The following KHDRBS3 variants were observed in gnomAD, a reference collection of about 807,000 sequenced individuals.
KHDRBS3 encodes KH domain-containing, RNA-binding, signal transduction-associated protein 3.
Under a neutral mutation model 45.6 loss-of-function variants are expected in KHDRBS3, and 23 were observed. The observed-to-expected ratio is 0.50, with a 90% CI of 0.36 to 0.72. The LOEUF is 0.72. Among genes scored for constraint, KHDRBS3 ranks in the 30% least tolerant of loss-of-function variants. The probability of loss-of-function intolerance (pLI) is 0.00; values close to 1 mark genes in which losing one functional copy is unlikely to be tolerated. For missense variants in KHDRBS3, 352 were observed against 424.8 expected (o/e 0.83, Z 1.51); for synonymous variants, 162 against 156.5 (o/e 1.04, Z -0.26).
At chr8:135,502,261 C>G (rs1823773525) in intron 1 of KHDRBS3, among the ~76,000 whole-genome samples, 1 of 152,168 alleles carries the variant, frequency 6.6e-6, no homozygotes, top group South Asian at 2.1e-4. Flanking sequence ...CCTTCCCAAT[C>G]TGTCTACCTT....
chr8:135,592,567 G>A (rs890652252), intron 6 of KHDRBS3, among the ~76,000 whole-genome samples: 3 of 152,116 alleles, frequency 2.0e-5, no homozygotes, highest in South Asian at 2.1e-4. Flanking sequence ...CATAGAACAC[G>A]GTCTCTGCCT....
chr8:135,499,736 C>T (rs17601771), intron 1 of KHDRBS3, among the ~76,000 whole-genome samples: 11,816 of 152,176 alleles, frequency 0.078, 593 homozygotes, highest in Non-Finnish European at 0.12. Context: ...CTTTCTCTTT[C>T]TGAGTTTTTA....
At chr8:135,513,132 G>A (rs988281676) in intron 1 of KHDRBS3, among the ~76,000 whole-genome samples, 6 of 151,988 alleles carry the variant, frequency 3.9e-5, no homozygotes, top group South Asian at 2.1e-4. Flanking sequence ...CCCGGGAGGC[G>A]GAGCTTGCAG....
At chr8:135,472,711 A>G (rs148639094) in intron 1 of KHDRBS3, among the ~76,000 whole-genome samples, 2 of 152,306 alleles carry the variant, frequency 1.3e-5, no homozygotes, top group East Asian at 1.9e-4. Context: ...TCTGTTCTAG[A>G]TGGATCGCTT....
At chr8:135,521,104 G>A in intron 1 of KHDRBS3, 133 bp from the exon 2 acceptor site, 1 of 631,468 alleles carries the variant, frequency 1.6e-6, no homozygotes, top group Non-Finnish European at 2.8e-6. Context: ...AAATGTACTT[G>A]AAAACATTTG....
At chr8:135,568,727 A>G (rs868769192) in intron 5 of KHDRBS3, among the ~76,000 whole-genome samples, 26 of 152,334 alleles carry the variant, frequency 1.7e-4, no homozygotes, top group Middle Eastern at 6.8e-3. Context: ...GAAACAATCA[A>G]TGGAAACCTG....
intron 1 of KHDRBS3, among the ~76,000 whole-genome samples, chr8:135,499,827 T>G (rs559742650): frequency 5.3e-5 from 8 of 152,318 alleles, no homozygotes; most frequent in African/African-American, 1.9e-4. Flanking sequence ...TGAAAACTAT[T>G]TTTAAGCAAT....
chr8:135,631,729 G>A (rs886988239), intron 7 of KHDRBS3, among the ~76,000 whole-genome samples: 1 of 152,000 alleles, frequency 6.6e-6, no homozygotes, highest in Non-Finnish European at 1.5e-5. Flanking sequence ...AACCAGATAG[G>A]TTTTCCTTTT....
chr8:135,507,129 A>G (rs1824041763), intron 1 of KHDRBS3, among the ~76,000 whole-genome samples: 1 of 152,122 alleles, frequency 6.6e-6, no homozygotes, highest in Non-Finnish European at 1.5e-5. Flanking sequence ...AGTTCCTATA[A>G]TTATTGGCAA....
intron 7 of KHDRBS3, among the ~76,000 whole-genome samples, chr8:135,612,818 G>T (rs915831698): frequency 2.0e-5 from 3 of 151,718 alleles, no homozygotes; most frequent in Non-Finnish European, 1.5e-5. Context: ...CCCTTGACCC[G>T]TGGCCAGTCC....
At position 135,607,048 on chromosome 8, in the gene KHDRBS3, G is replaced by T; in HGVS notation, c.890+11G>T. ...CACCCCAGCCCAAAGGTAAGAGTCA[G>T]TCTTTATTACCAGACCCCACAACAG... On this transcript the variant is annotated intron_variant, in intron 7 of 8. Coordinates refer to ENST00000355849, the MANE Select transcript of KHDRBS3 (RefSeq NM_006558.3). 1.7e-5 allele frequency: 27 copies of T among 1,600,056 alleles called. No homozygotes were observed. The highest frequency in any genetic ancestry group is 2.3e-5 in the Non-Finnish European group (27 of 1,167,816).
intron 1 of KHDRBS3, among the ~76,000 whole-genome samples, chr8:135,462,874 T>G (rs536616300): frequency 2.0e-5 from 3 of 152,204 alleles, no homozygotes; most frequent in African/African-American, 7.2e-5. Context: ...GGCCAACCTG[T>G]GATGGTATAA....
chr8:135,511,821 G>T (rs1471162256), intron 1 of KHDRBS3, among the ~76,000 whole-genome samples: 5 of 152,166 alleles, frequency 3.3e-5, no homozygotes, highest in Admixed American at 3.3e-4. Context: ...GCCTCCCAAA[G>T]TGCTAGGATT....
chr8:135,597,055 T>C (rs1275093847), intron 6 of KHDRBS3, among the ~76,000 whole-genome samples: 1 of 152,188 alleles, frequency 6.6e-6, no homozygotes, highest in East Asian at 1.9e-4. Flanking sequence ...TAATTAGATA[T>C]TTTAGATGGA....
chr8:135,519,982 A>G (rs1251527271), intron 1 of KHDRBS3, among the ~76,000 whole-genome samples: 2 of 152,234 alleles, frequency 1.3e-5, no homozygotes, highest in Non-Finnish European at 2.9e-5. Context: ...CTGATATGAC[A>G]TAAAAATGGT....
chr8:135,524,058 C>T (rs1825053761), intron 2 of KHDRBS3, among the ~76,000 whole-genome samples: 1 of 152,014 alleles, frequency 6.6e-6, no homozygotes, highest in South Asian at 2.1e-4. Flanking sequence ...CTCTGTTGCC[C>T]AGGCTGTAGT....
intron 2 of KHDRBS3, chr8:135,538,783 A>G (rs891304055): frequency 4.0e-4 from 61 of 152,216 alleles, no homozygotes; most frequent in African/African-American, 1.4e-3. Flanking sequence ...CTAATGGCAA[A>G]GAAGACAACT....
chr8:135,464,786 G>A lies in KHDRBS3; in HGVS notation c.88+6832G>A, dbSNP rs558288019. ...ACCTTATTTTATAGATGAGAAAACC[G>A]AGGTCAGGAAGGTCACATAATTTGC... On this transcript the variant is annotated intron_variant, in intron 1 of 8. Transcript: ENST00000355849. 6.8e-4 allele frequency among the ~76,000 whole-genome samples: 103 copies of A among 152,280 alleles called. 1 individual carries two copies. Among genetic ancestry groups the A allele is most frequent in the African/African-American group, 2.4e-3 (99 of 41,554 alleles).
chr8:135,646,851 T>A, intron 8 of KHDRBS3, 142 bp from the exon 9 acceptor site: 1 of 502,520 alleles, frequency 2.0e-6, no homozygotes, highest in South Asian at 3.5e-5. Flanking sequence ...AATTCCTTGT[T>A]TGTTTTTCTT....
Sources: gnomAD v4.1 joint callset for allele counts (sites outside exome capture counted in the v4.1 genomes callset) on GRCh38, gnomAD v4.1.1 for gene constraint, MANE v1.5 for transcripts, NCBI Gene and HGNC (gene_info 2026-07-23, HGNC 2026-07-21) for gene names.